The following OXSR1 variants were observed in gnomAD, a reference collection of about 807,000 sequenced individuals.
The protein encoded by OXSR1 is oxidative stress responsive kinase 1.
In OXSR1, 24 loss-of-function variants were observed where a neutral mutation model predicts 79.8. That is an observed-to-expected ratio of 0.30 (90% CI 0.22 to 0.42). OXSR1 has a LOEUF of 0.42. Among genes scored for constraint, OXSR1 ranks in the 10% least tolerant of loss-of-function variants. OXSR1 has a pLI of 1.00. For synonymous variants in OXSR1, 226 were observed against 209.2 expected (o/e 1.08, Z -0.69); for missense variants, 430 against 618.4 (o/e 0.70, Z 3.23).
intron 15 of OXSR1, 140 bp downstream of exon 15, chr3:38,250,158 G>A (rs1703226913): frequency 8.0e-6 from 5 of 626,062 alleles, no homozygotes; most frequent in Admixed American, 3.0e-5. Flanking sequence ...GTATATGAGT[G>A]AGATAAAAAT....
At chr3:38,165,986 G>C in intron 1 of OXSR1, 40 bp downstream of exon 1, 4 of 1,564,898 alleles carry the variant, frequency 2.6e-6, no homozygotes, top group African/African-American at 1.3e-5. Context: ...CGCGGCGCTG[G>C]GAGGCGGGGG....
intron 5 of OXSR1, among the ~76,000 whole-genome samples, chr3:38,219,572 G>C (rs1702547891): frequency 6.6e-6 from 1 of 152,046 alleles, no homozygotes; most frequent in African/African-American, 2.4e-5. Flanking sequence ...TACTGTTACT[G>C]CCTCCTTTTT....
rs146256746 is a variant in OXSR1 at position 38,200,976 on chromosome 3, C to T, written c.434+2113C>T. ...TGTTTCGATACATGAAGAATAGTATCGATTTTGACATCTTGGATTATTAGT... is the reference window on the plus strand; with the variant it reads ...TGTTTCGATACATGAAGAATAGTATTGATTTTGACATCTTGGATTATTAGT... On this transcript the variant is annotated intron_variant, in intron 4 of 17. Transcript: ENST00000311806. Among the ~76,000 whole-genome samples the T allele has an allele frequency of 2.9e-4, 44 of 152,242 alleles. No homozygotes were observed. The East Asian group carries it at 6.8e-3, about 23-fold the overall frequency.
rs959412135 is a variant in OXSR1, at chr3:38,253,181, A to G, written c.*290A>G. 3.2e-5 allele frequency: 12 copies of G among 379,068 alleles called. No individual in the cohort carries two copies. The highest frequency in any genetic ancestry group is 5.3e-5 in the Non-Finnish European group (11 of 207,204). 23.5% of individuals were successfully genotyped at this position (379,068 alleles called of 1,614,324 possible). ...CCATGTGCTTCAAGGCCCAGGAGGG[A>G]GATCTGTCAGCTCATTCTTGCCTTA... is the stretch of plus-strand genomic sequence containing the variant. On this transcript the variant is annotated 3_prime_UTR_variant, in exon 18 of 18. Coordinates refer to ENST00000311806, the MANE Select transcript of OXSR1 (RefSeq NM_005109.3).
intron 4 of OXSR1, among the ~76,000 whole-genome samples, chr3:38,214,722 A>G (rs1260128540): frequency 6.6e-6 from 1 of 152,234 alleles, no homozygotes; most frequent in Non-Finnish European, 1.5e-5. Context: ...GATTATAAGC[A>G]GTACAAAATA....
At chr3:38,230,255 C>T in intron 9 of OXSR1, 110 bp from the exon 10 acceptor site, 1 of 721,374 alleles carries the variant, frequency 1.4e-6, no homozygotes, top group Non-Finnish European at 2.5e-6. Flanking sequence ...TCTCACACTT[C>T]ATTACAGAAC....
rs1332960659 is a variant in OXSR1, at chr3:38,254,526, G to A, written c.*1635G>A. On this transcript the variant is annotated 3_prime_UTR_variant, in exon 18 of 18. Transcript: ENST00000311806. ...GTCCCAGCAGTCTTGGTAAAAGGAG[G>A]GAGCCTGCTGAGCCAGGAGGGAGAA... 2 of 345,746 alleles carry A rather than the reference G, an allele frequency of 5.8e-6. No homozygotes were observed. The highest frequency in any genetic ancestry group is 1.0e-5 in the Non-Finnish European group (2 of 192,794). The allele number at this position is 345,746 out of a possible 1,614,324, so 21.4% of individuals were successfully genotyped here. A position where few individuals can be genotyped will look rare whatever the true frequency, so the allele number is the denominator to read the frequency against.
intron 2 of OXSR1, among the ~76,000 whole-genome samples, chr3:38,189,093 A>G (rs1011883978): frequency 6.6e-6 from 1 of 152,148 alleles, no homozygotes; most frequent in African/African-American, 2.4e-5. Context: ...TATGAAAATC[A>G]TATGTACCTA....
rs1703275453 is a variant in OXSR1, at chr3:38,252,367, C to T, written c.1484C>T (p.Ser495Leu). ...NLQKIVEEPQ[S>L]NRSVTFKLAS... ...CAGAAAATTGTGGAAGAACCTCAGT[C>T]AAATCGATCTGTCACTTTCAAACTG... Residue 495 changes from serine (S) to leucine (L), a missense_variant, in exon 17 of 18, where the codon TCA becomes TTA. Around this residue, in one of 3 missense-constraint regions of OXSR1, gnomAD observed 276 missense variants for 354.2 expected, o/e 0.78. Transcript: ENST00000311806. 2 of 1,611,708 alleles carry T rather than the reference C, an allele frequency of 1.2e-6. No individual in the cohort carries two copies. The highest frequency in any genetic ancestry group is 3.3e-5 in the Admixed American group (2 of 59,968).
intron 11 of OXSR1, among the ~76,000 whole-genome samples, chr3:38,239,817 T>G (rs1702992376): frequency 6.6e-6 from 1 of 152,214 alleles, no homozygotes; most frequent in Non-Finnish European, 1.5e-5. Context: ...TTTCCTCAAC[T>G]CAGGCAGTTC....
chr3:38,176,743 A>G (rs1388818427), intron 1 of OXSR1, among the ~76,000 whole-genome samples: 2 of 152,240 alleles, frequency 1.3e-5, no homozygotes, highest in Non-Finnish European at 2.9e-5. Context: ...AAGTGAATGA[A>G]TCTTTGAGTG....
At position 38,246,068 on chromosome 3, in the gene OXSR1, G is replaced by A; in HGVS notation, c.1111-7G>A. 1 of 1,613,374 alleles carries A rather than the reference G, an allele frequency of 6.2e-7. No individual in the cohort carries two copies. The highest frequency in any genetic ancestry group is 1.1e-5 in the South Asian group (1 of 91,052). ...CTTAAGCAACACTGTGTGTGTTTTT[G>A]TTACAGCTCTTTCCAACAACTGATC... On this transcript the variant is annotated splice_polypyrimidine_tract_variant and splice_region_variant and intron_variant, in intron 12 of 17. Transcript: ENST00000311806.
intron 5 of OXSR1, among the ~76,000 whole-genome samples, chr3:38,221,361 C>G (rs984758468): frequency 6.6e-6 from 1 of 152,068 alleles, no homozygotes; most frequent in Non-Finnish European, 1.5e-5. Flanking sequence ...CTCAAGTGAG[C>G]CTCCTGCCTT....
chr3:38,210,540 C>T (rs1240282909), intron 4 of OXSR1, among the ~76,000 whole-genome samples: 1 of 152,096 alleles, frequency 6.6e-6, no homozygotes, highest in East Asian at 1.9e-4. Context: ...GCTCATCCAG[C>T]TCATCCAAGT....
chr3:38,218,621 G>A (rs1702530716), intron 5 of OXSR1, among the ~76,000 whole-genome samples: 1 of 152,130 alleles, frequency 6.6e-6, no homozygotes. Flanking sequence ...CTCCCAGTCT[G>A]TGGGTTGCCT....
At chr3:38,209,383 A>AT (rs545127148) in intron 4 of OXSR1, among the ~76,000 whole-genome samples, 176 of 145,724 alleles carry the variant, frequency 1.2e-3, no homozygotes, top group East Asian at 2.2e-3. Flanking sequence ...ATGCCTGGCT[A>AT]TTTTTTTTTT....
At chr3:38,233,570 A>T (rs1702855627) in intron 10 of OXSR1, among the ~76,000 whole-genome samples, 2 of 152,164 alleles carry the variant, frequency 1.3e-5, no homozygotes, top group South Asian at 4.1e-4. Context: ...CAGGAAACAG[A>T]CTATATAGGA....
intron 12 of OXSR1, among the ~76,000 whole-genome samples, chr3:38,244,666 T>TGTGTGTGTGTGTGTGTGTGTGTGTGC (rs748851263): frequency 7.1e-4 from 102 of 144,058 alleles, no homozygotes; most frequent in East Asian, 3.6e-3. Context: ...TGTGTGTGTG[T>TGTGTGTGTGTGTGTGTGTGTGTGTGC]GCGTGCGCAT....
chr3:38,223,389 C>G (rs1211848617), intron 6 of OXSR1, among the ~76,000 whole-genome samples: 1 of 151,828 alleles, frequency 6.6e-6, no homozygotes, highest in Non-Finnish European at 1.5e-5. Flanking sequence ...ACCTCAGCCT[C>G]TCAAAGTGTT....
Sources: allele counts gnomAD v4.1 joint callset (sites outside exome capture counted in the v4.1 genomes callset), GRCh38; gene constraint gnomAD v4.1.1; regional missense constraint gnomAD v4.1.1; transcripts MANE v1.5; gene names NCBI Gene and HGNC (gene_info 2026-07-23, HGNC 2026-07-21).